Variants in M1AP observed in about 807,000 individuals in gnomAD.
M1AP encodes meiosis 1 arrest protein.
M1AP carries 39 observed loss-of-function variants against 51.2 expected under a neutral mutation model. The observed-to-expected ratio is 0.76, with a 90% CI of 0.59 to 1.00. The LOEUF (loss-of-function observed/expected upper bound fraction) is 1.00, where lower values mean the gene tolerates loss of function less well. Ranked by LOEUF, M1AP falls within the 50% of genes least tolerant of loss-of-function variation. M1AP has a pLI of 0.00. For missense variants in M1AP, 545 were observed against 641.2 expected (o/e 0.85, Z 1.62); for synonymous variants, 251 against 249.2 (o/e 1.01, Z -0.07).
At chr2:74,601,933 T>C (rs1041555415) in intron 4 of M1AP, among the ~76,000 whole-genome samples, 3 of 152,170 alleles carry the variant, frequency 2.0e-5, no homozygotes, top group African/African-American at 4.8e-5. Flanking sequence ...TTTAGACTGA[T>C]TGAAGGACAC....
chr2:74,626,340 G>A (rs890737645), intron 2 of M1AP, among the ~76,000 whole-genome samples: 1 of 149,146 alleles, frequency 6.7e-6, no homozygotes, highest in Admixed American at 6.7e-5. Context: ...ATAGCTCATG[G>A]CACTGGGCTC....
chr2:74,642,483 G>A (rs1052269210), intron 1 of M1AP, among the ~76,000 whole-genome samples: 1 of 152,160 alleles, frequency 6.6e-6, no homozygotes, highest in African/African-American at 2.4e-5. Context: ...GGAATAATCT[G>A]ACAAAATATA....
chr2:74,636,235 G>C (rs993466892), intron 2 of M1AP, among the ~76,000 whole-genome samples: 2 of 151,824 alleles, frequency 1.3e-5, no homozygotes, highest in South Asian at 4.2e-4. Context: ...GGTATTCTTT[G>C]ATCCGAAATC....
intron 2 of M1AP, among the ~76,000 whole-genome samples, chr2:74,616,032 G>A (rs1681648336): frequency 6.6e-6 from 1 of 152,150 alleles, no homozygotes; most frequent in Non-Finnish European, 1.5e-5. Flanking sequence ...ACACCTTCCT[G>A]GGCTTAGCTC....
intron 4 of M1AP, among the ~76,000 whole-genome samples, chr2:74,586,615 C>T (rs1324426135): frequency 6.6e-6 from 1 of 152,156 alleles, no homozygotes; most frequent in Admixed American, 6.6e-5. Flanking sequence ...ATTAATCGCA[C>T]TGCTGATTTA....
intron 2 of M1AP, chr2:74,619,031 C>G: frequency 2.0e-6 from 1 of 499,466 alleles, no homozygotes. Context: ...ACTTCATCGG[C>G]AGGAAAAAGG....
At chr2:74,618,371 T>C (rs1429288649) in intron 2 of M1AP, among the ~76,000 whole-genome samples, 1 of 152,098 alleles carries the variant, frequency 6.6e-6, no homozygotes, top group Non-Finnish European at 1.5e-5. Context: ...CAATTTAAAC[T>C]GAAAATACAA....
chr2:74,599,944 C>T (rs899200856), intron 4 of M1AP, among the ~76,000 whole-genome samples: 1 of 151,920 alleles, frequency 6.6e-6, no homozygotes, highest in Non-Finnish European at 1.5e-5. Flanking sequence ...GATACTTCCT[C>T]CTCAGCGTGC....
At chr2:74,607,513 G>A (rs977290603) in intron 3 of M1AP, among the ~76,000 whole-genome samples, 7 of 152,030 alleles carry the variant, frequency 4.6e-5, no homozygotes, top group Admixed American at 2.6e-4. Flanking sequence ...TTGCTCTGTC[G>A]CCCAGGCTGG....
chr2:74,568,453 C>T (rs1678526004), intron 7 of M1AP, among the ~76,000 whole-genome samples: 1 of 152,088 alleles, frequency 6.6e-6, no homozygotes, highest in Admixed American at 6.5e-5. Flanking sequence ...GCTGCTTATA[C>T]CCTGGGAGTA....
intron 2 of M1AP, among the ~76,000 whole-genome samples, chr2:74,623,157 C>G (rs539391330): frequency 1.3e-4 from 20 of 152,226 alleles, no homozygotes; most frequent in African/African-American, 4.8e-4. Flanking sequence ...AAAAATTCCA[C>G]TGTATGTCAT....
intron 1 of M1AP, among the ~76,000 whole-genome samples, chr2:74,643,637 C>CTGGAG (rs1683440250): frequency 6.7e-6 from 1 of 148,736 alleles, no homozygotes; most frequent in African/African-American, 2.5e-5. Context: ...ATCGCCCAGG[C>CTGGAG]TGGAGTGCAG....
intron 3 of M1AP, among the ~76,000 whole-genome samples, chr2:74,611,885 T>TTG (rs1183411693): frequency 5.3e-4 from 34 of 63,740 alleles, no homozygotes; most frequent in Non-Finnish European, 9.3e-4. Flanking sequence ...AAAAAGTGTT[T>TTG]TTTTTTTTTT....
At chr2:74,572,336 A>AC (rs1024395779) in intron 7 of M1AP, among the ~76,000 whole-genome samples, 11 of 151,650 alleles carry the variant, frequency 7.3e-5, no homozygotes, top group Middle Eastern at 3.4e-3. Flanking sequence ...TTTCTTTCCC[A>AC]CCCCCCCTAA....
At chr2:74,640,351 A>G in intron 1 of M1AP, 24 bp from the exon 2 acceptor site, 3 of 1,551,498 alleles carry the variant, frequency 1.9e-6, no homozygotes, top group Non-Finnish European at 2.6e-6. Flanking sequence ...AAGAGAAACC[A>G]CTGGTTTTCA....
chr2:74,606,611 T>C (rs185762673), intron 4 of M1AP, among the ~76,000 whole-genome samples: 2,024 of 152,044 alleles, frequency 0.013, 46 homozygotes, highest in Non-Finnish European at 0.017. Context: ...CATATATATA[T>C]ATATATAAAA....
chr2:74,607,482 C>T (rs1681080753), intron 3 of M1AP, among the ~76,000 whole-genome samples: 1 of 151,234 alleles, frequency 6.6e-6, no homozygotes, highest in Non-Finnish European at 1.5e-5. Flanking sequence ...ATGTTTTAGT[C>T]TTTTTTTTTG....
chr2:74,576,850 T>C (rs1679105223), intron 5 of M1AP: 2 of 1,303,640 alleles, frequency 1.5e-6, no homozygotes. Flanking sequence ...TACATAAAAG[T>C]TAACTTATCT....
At chr2:74,601,089 G>A (rs1680647090) in intron 4 of M1AP, among the ~76,000 whole-genome samples, 2 of 152,028 alleles carry the variant, frequency 1.3e-5, no homozygotes, top group African/African-American at 4.8e-5. Context: ...TTACAAATGA[G>A]CTTTATAAAA....
Sources: gnomAD v4.1 joint callset for allele counts (sites outside exome capture counted in the v4.1 genomes callset) on GRCh38, gnomAD v4.1.1 for gene constraint, MANE v1.5 for transcripts, NCBI Gene and HGNC (gene_info 2026-07-23, HGNC 2026-07-21) for gene names.